The following FGD5 variants were observed in gnomAD, a reference collection of about 807,000 sequenced individuals.
FGD5 encodes the protein FYVE, RhoGEF and PH domain-containing protein 5.
FGD5 carries 28 observed loss-of-function variants against 133.4 expected under a neutral mutation model. That is an observed-to-expected ratio of 0.21 (90% confidence interval 0.16 to 0.29). The LOEUF is 0.29. Ranked by LOEUF, FGD5 falls within the 10% of genes least tolerant of loss-of-function variation. The probability of loss-of-function intolerance (pLI) is 1.00; values close to 1 mark genes in which losing one functional copy is unlikely to be tolerated. For missense variants in FGD5, 1,858 were observed against 1,895.2 expected, an observed-to-expected ratio of 0.98 and a Z score of 0.36; for synonymous variants, 810 against 776.5, an observed-to-expected ratio of 1.04 and a Z score of -0.72.
chr3:14,850,096 G>A (rs998300470), intron 1 of FGD5, among the ~76,000 whole-genome samples: 1 of 152,232 alleles, frequency 6.6e-6, no homozygotes, highest in African/African-American at 2.4e-5. Flanking sequence ...CCTGGGGCAG[G>A]AGCAGTGACT....
In FGD5 at chr3:14,819,764, G is replaced by A. The variant is rs2036444053; in HGVS notation, c.693G>A (p.Glu231=). ...GCACAGACCCAGCAGGGGCAGATGAGGGTTCGGGTCCTGACAGGCCCACGG... is the reference window on the plus strand; with the variant it reads ...GCACAGACCCAGCAGGGGCAGATGAAGGTTCGGGTCCTGACAGGCCCACGG... ...CASTDPAGAD[E]GSGPDRPTED... Residue 231 remains glutamate, a synonymous_variant, in exon 1 of 20, where the codon GAG becomes GAA. Transcript: ENST00000285046. This position sits in a 1 kb window ranked among gnomAD's most constrained non-coding sequence, Gnocchi z 4.1. 1.3e-6 allele frequency: 2 copies of A among 1,545,392 alleles called. No individual in the cohort carries two copies. Among genetic ancestry groups the A allele is most frequent in the East Asian group, 2.4e-5 (1 of 41,628 alleles).
At chr3:14,814,444 G>A (rs1184967796), upstream of FGD5, among the ~76,000 whole-genome samples, 1 of 152,154 alleles carries the variant, frequency 6.6e-6, no homozygotes, top group Admixed American at 6.5e-5. Context: ...TAGATAACAT[G>A]ATGCTGAGGT....
At chr3:14,841,549 T>C (rs1051676482) in intron 1 of FGD5, among the ~76,000 whole-genome samples, 7 of 139,654 alleles carry the variant, frequency 5.0e-5, no homozygotes, top group Non-Finnish European at 9.1e-5. Flanking sequence ...ATGAACAGAC[T>C]TAAGGATCAG....
intron 4 of FGD5, among the ~76,000 whole-genome samples, 152 bp downstream of exon 4, chr3:14,880,924 G>A (rs1196963750): frequency 5.9e-5 from 9 of 152,216 alleles, no homozygotes; most frequent in Admixed American, 5.2e-4. Context: ...AGGGAAGTCC[G>A]TCTCCTGATT....
At chr3:14,818,289 A>G (rs527355461), upstream of FGD5, among the ~76,000 whole-genome samples, 133 of 152,340 alleles carry the variant, frequency 8.7e-4, 1 homozygote, top group Non-Finnish European at 1.4e-3. Flanking sequence ...GTCCTGAAGC[A>G]TGCAGATTCC....
chr3:14,890,320 AAT>A (rs1362017701), intron 4 of FGD5, among the ~76,000 whole-genome samples: 2 of 152,218 alleles, frequency 1.3e-5, no homozygotes, highest in Non-Finnish European at 2.9e-5. Context: ...CCTGTGTTGA[AAT>A]AGTCTTTTTA....
At chr3:14,907,887 G>GCCTT (rs2038370256) in intron 10 of FGD5, among the ~76,000 whole-genome samples, 176 bp downstream of exon 10, 1 of 152,204 alleles carries the variant, frequency 6.6e-6, no homozygotes, top group South Asian at 2.1e-4. Context: ...GTCCTAGGCT[G>GCCTT]CCTTCCCTGG....
intron 2 of FGD5, among the ~76,000 whole-genome samples, chr3:14,873,704 G>A (rs1251936707): frequency 2.0e-5 from 3 of 151,274 alleles, no homozygotes; most frequent in Non-Finnish European, 2.9e-5. Flanking sequence ...TGGCAAGAAC[G>A]TTTAACGTAA....
chr3:14,864,968 T>C (rs909052342), intron 2 of FGD5, among the ~76,000 whole-genome samples: 1 of 152,096 alleles, frequency 6.6e-6, no homozygotes, highest in African/African-American at 2.4e-5. Context: ...TTTGCAGAAA[T>C]GGGCAGAGGT....
chr3:14,866,109 T>G (rs2037488804), intron 2 of FGD5, among the ~76,000 whole-genome samples: 1 of 152,146 alleles, frequency 6.6e-6, no homozygotes, highest in Non-Finnish European at 1.5e-5. Context: ...CGCCTTGTGA[T>G]GTACCCCACC....
At chr3:14,849,166 T>C (rs1285637416) in intron 1 of FGD5, among the ~76,000 whole-genome samples, 1 of 152,300 alleles carries the variant, frequency 6.6e-6, no homozygotes, top group Admixed American at 6.5e-5. Flanking sequence ...TCTGGCCCTG[T>C]GTGATGGATT....
intron 11 of FGD5, among the ~76,000 whole-genome samples, chr3:14,914,521 G>A (rs1559504136): frequency 1.3e-5 from 2 of 152,212 alleles, no homozygotes; most frequent in Non-Finnish European, 2.9e-5. Flanking sequence ...GGGTGCTCAT[G>A]GCAGTTGCCA....
At position 14,933,220 on chromosome 3, in the gene FGD5, C is replaced by T. The variant is rs2038928126; in HGVS notation, c.*53C>T. On this transcript the variant is annotated 3_prime_UTR_variant, in exon 20 of 20. Transcript: ENST00000285046. The stretch of plus-strand genomic sequence containing the variant: ...AAATTCTTAGGTCAATATGTGAATG[C>T]TTTTAGAAGCTAAGCTGTGGCTCAA... 1 of 1,585,342 alleles carries T rather than the reference C, an allele frequency of 6.3e-7. No individual in the cohort carries two copies. The highest frequency in any genetic ancestry group is 1.3e-5 in the African/African-American group (1 of 74,514).
At chr3:14,895,559 T>C (rs184906379) in intron 4 of FGD5, among the ~76,000 whole-genome samples, 20 of 152,200 alleles carry the variant, frequency 1.3e-4, no homozygotes, top group African/African-American at 4.1e-4. Context: ...CAAGATCTGT[T>C]TTTTGTTTTG....
Position 14,901,208 on chromosome 3 carries a change from C to T in FGD5, c.3264+147C>T. ...CTCTGCAGAGAGCCGTGGGTTCTGG[C>T]TCTGACTCTTGATGTGTGACCTCAG... On this transcript the variant is annotated intron_variant, in intron 9 of 19. Coordinates refer to ENST00000285046, the MANE Select transcript of FGD5 (RefSeq NM_152536.4). 3 of 837,676 alleles carry T rather than the reference C, an allele frequency of 3.6e-6. No individual in the cohort carries two copies. The South Asian group carries it at 4.6e-5, about 13-fold the overall frequency. The allele number at this position is 837,676 out of a possible 1,614,324, so 51.9% of individuals were successfully genotyped here. A position where few individuals can be genotyped will look rare whatever the true frequency, so the allele number is the denominator to read the frequency against.
chr3:14,892,193 CT>C (rs978612984), intron 4 of FGD5, among the ~76,000 whole-genome samples: 244 of 148,594 alleles, frequency 1.6e-3, no homozygotes, highest in African/African-American at 5.4e-3. Context: ...TACAAAAGAC[CT>C]TTTTTTTTTA....
chr3:14,858,640 G>C (rs1424736253), intron 1 of FGD5, among the ~76,000 whole-genome samples: 1 of 152,182 alleles, frequency 6.6e-6, no homozygotes, highest in Non-Finnish European at 1.5e-5. Context: ...TGAAAAACCA[G>C]GCAGGCACCA....
At chr3:14,875,615 T>G (rs1034445269) in intron 2 of FGD5, among the ~76,000 whole-genome samples, 3 of 151,874 alleles carry the variant, frequency 2.0e-5, no homozygotes, top group African/African-American at 7.3e-5. Flanking sequence ...AGGGTGCAGG[T>G]GACAGAAGGA....
intron 2 of FGD5, among the ~76,000 whole-genome samples, chr3:14,878,576 A>G (rs2037764240): frequency 6.6e-6 from 1 of 152,204 alleles, no homozygotes; most frequent in Admixed American, 6.5e-5. Context: ...ATAGACACTC[A>G]TCTGATCCTT....
Sources: gnomAD v4.1 joint callset for allele counts (sites outside exome capture counted in the v4.1 genomes callset) on GRCh38, gnomAD v4.1.1 for gene constraint, Gnocchi (gnomAD v3.1) non-coding constraint, MANE v1.5 for transcripts, NCBI Gene and HGNC (gene_info 2026-07-23, HGNC 2026-07-21) for gene names.